The following DNAH8 variants were observed in gnomAD, a reference collection of about 807,000 sequenced individuals.
DNAH8 encodes the protein axonemal beta dynein heavy chain 8.
In DNAH8, 382 loss-of-function variants were observed where a neutral mutation model predicts 562.1. The observed-to-expected ratio is 0.68, with a 90% confidence interval of 0.63 to 0.74. The LOEUF (loss-of-function observed/expected upper bound fraction) is 0.74, where lower values mean the gene tolerates loss of function less well. Among genes scored for constraint, DNAH8 ranks in the 30% least tolerant of loss-of-function variants. The pLI is 0.00. For synonymous variants in DNAH8, 1,881 were observed against 1,919.4 expected, an observed-to-expected ratio of 0.98 and a Z score of 0.52; for missense variants, 5,203 against 5,620.4, an observed-to-expected ratio of 0.93 and a Z score of 2.37.
Position 38,923,098 on chromosome 6 carries a change from A to G in DNAH8, c.10703A>G (p.Gln3568Arg), listed in dbSNP as rs760220015. 6.2e-7 allele frequency: 1 copy of G among 1,613,666 alleles called. No homozygotes were observed. The highest frequency in any genetic ancestry group is 1.1e-5 in the South Asian group (1 of 91,044). ...GCTGATACGTGCCGGAAAAAGATGC[A>G]GGCCGCCTCCACTCTCATCGATGGG... ...NDADTCRKKM[Q>R]AASTLIDGLS... The change falls in exon 72 of 93, where the codon CAG becomes CGG. Residue 3568 changes from glutamine (Q) to arginine (R), a missense_variant. Gln to Arg is a conservative substitution (Grantham distance 43). Coordinates refer to ENST00000327475, the MANE Select transcript of DNAH8 (RefSeq NM_001206927.2).
chr6:39,028,905 C>G (rs1561992179), intron 92 of DNAH8, among the ~76,000 whole-genome samples: 1 of 151,816 alleles, frequency 6.6e-6, no homozygotes, highest in Non-Finnish European at 1.5e-5. Flanking sequence ...TGAGCCCCCA[C>G]AGGGGGATTC....
chr6:39,028,547 G>C (rs1408775135), intron 92 of DNAH8, among the ~76,000 whole-genome samples: 1 of 152,078 alleles, frequency 6.6e-6, no homozygotes, highest in Non-Finnish European at 1.5e-5. Flanking sequence ...ATTGGATTTA[G>C]GACCTACCTT....
rs774612011 is a variant in DNAH8, at chr6:38,945,497, C to T, written c.12038C>T (p.Pro4013Leu). Residue 4013 changes from proline to leucine, a missense_variant, in exon 80 of 93, where the codon CCT becomes CTT. Coordinates refer to ENST00000327475, the MANE Select transcript of DNAH8 (RefSeq NM_001206927.2). The stretch of plus-strand genomic sequence containing the variant: ...GCAGCTCTGGACCTGAAAGCCTGTC[C>T]TCCCAAACCCTATCGCTGGATCCTT... The part of the protein sequence containing the change: ...GGAALDLKAC[P>L]PKPYRWILDM... 1.2e-6 allele frequency: 2 copies of T among 1,614,170 alleles called. No individual in the cohort carries two copies. The highest frequency in any genetic ancestry group is 1.7e-5 in the Admixed American group (1 of 60,030).
At chr6:39,020,657 T>G (rs527332963) in intron 91 of DNAH8, among the ~76,000 whole-genome samples, 27 of 152,322 alleles carry the variant, frequency 1.8e-4, no homozygotes, top group African/African-American at 6.3e-4. Context: ...CTATTTGTCT[T>G]AATGCTCTCC....
At chr6:38,956,855 G>A (rs1459931810) in intron 82 of DNAH8, among the ~76,000 whole-genome samples, 1 of 152,172 alleles carries the variant, frequency 6.6e-6, no homozygotes, top group Non-Finnish European at 1.5e-5. Flanking sequence ...AAGACTGCAA[G>A]AGAGGAAGAA....
At chr6:38,849,572 CTT>C (rs10707927) in intron 37 of DNAH8, among the ~76,000 whole-genome samples, 11 of 141,632 alleles carry the variant, frequency 7.8e-5, no homozygotes, top group African/African-American at 2.1e-4. Context: ...TTTTTTTTTG[CTT>C]TTTTTTTTTT....
chr6:38,727,005 G>T (rs1018565101), intron 3 of DNAH8, among the ~76,000 whole-genome samples: 2 of 151,646 alleles, frequency 1.3e-5, no homozygotes, highest in African/African-American at 4.8e-5. Context: ...CTACGGGTGC[G>T]TGCCACCACA....
chr6:38,732,759 C>T (rs1295662347), intron 4 of DNAH8, among the ~76,000 whole-genome samples: 1 of 152,110 alleles, frequency 6.6e-6, no homozygotes, highest in Non-Finnish European at 1.5e-5. Context: ...ACATGCCCAC[C>T]TTTACAGAGC....
At chr6:39,028,179 A>G (rs938294327) in intron 92 of DNAH8, among the ~76,000 whole-genome samples, 21 of 152,206 alleles carry the variant, frequency 1.4e-4, no homozygotes, top group Admixed American at 1.2e-3. Context: ...ATGCAATTCC[A>G]GAATACCTTC....
intron 3 of DNAH8, among the ~76,000 whole-genome samples, chr6:38,728,451 G>C (rs1009375201): frequency 1.9e-5 from 2 of 106,176 alleles, no homozygotes; most frequent in East Asian, 3.9e-4. Context: ...TGAGTACAAT[G>C]TATCTAAAAT....
At chr6:38,785,083 C>T (rs1013016097) in intron 17 of DNAH8, among the ~76,000 whole-genome samples, 22 of 152,150 alleles carry the variant, frequency 1.4e-4, no homozygotes, top group African/African-American at 4.3e-4. Context: ...CACATACAAA[C>T]AATATGAAGT....
At chr6:38,825,586 A>G (rs925944841) in intron 28 of DNAH8, among the ~76,000 whole-genome samples, 1 of 151,986 alleles carries the variant, frequency 6.6e-6, no homozygotes, top group African/African-American at 2.4e-5. Context: ...TTCCCAGACT[A>G]TGTGGCTCCT....
At chr6:38,891,550 A>G (rs1779342321) in intron 58 of DNAH8, among the ~76,000 whole-genome samples, 1 of 152,114 alleles carries the variant, frequency 6.6e-6, no homozygotes, top group African/African-American at 2.4e-5. Context: ...TTGGAAGAGG[A>G]ATTTGGGGGT....
chr6:38,986,198 G>A (rs1418830579), intron 87 of DNAH8, among the ~76,000 whole-genome samples: 1 of 152,182 alleles, frequency 6.6e-6, no homozygotes, highest in African/African-American at 2.4e-5. Context: ...GGAAGTTGAA[G>A]GCAACTTAGG....
At chr6:38,844,368 T>C (rs994131363) in intron 35 of DNAH8, among the ~76,000 whole-genome samples, 1 of 152,246 alleles carries the variant, frequency 6.6e-6, no homozygotes, top group South Asian at 2.1e-4. Flanking sequence ...TTCTATGTTT[T>C]TGGAGTTGAG....
chr6:38,877,278 T>G (rs1198871705), intron 53 of DNAH8, among the ~76,000 whole-genome samples: 1 of 152,190 alleles, frequency 6.6e-6, no homozygotes, highest in Non-Finnish European at 1.5e-5. Flanking sequence ...GCCAATAAAA[T>G]AATTACCTTC....
chr6:38,889,691 G>C (rs1354587191), intron 57 of DNAH8, among the ~76,000 whole-genome samples: 3 of 152,126 alleles, frequency 2.0e-5, no homozygotes, highest in Non-Finnish European at 4.4e-5. Flanking sequence ...CTTATAACAT[G>C]GTTGTCCCAC....
chr6:38,846,443 A>G (rs760301284), intron 36 of DNAH8, among the ~76,000 whole-genome samples: 1 of 152,150 alleles, frequency 6.6e-6, no homozygotes, highest in Non-Finnish European at 1.5e-5. Context: ...GTTCTCAACT[A>G]TTCTTCACCT....
Position 38,982,393 on chromosome 6 carries a change from C to A in DNAH8, c.12882C>A (p.Phe4294Leu), listed in dbSNP as rs1009579026. The part of the protein sequence containing the change: ...GPLGWNIPYE[F>L]NSADFSASVQ... ...TAGGATGGAATATTCCCTACGAATT[C>A]AATTCTGCTGACTTTTCAGCCAGTG... The change falls in exon 86 of 93, where the codon TTC becomes TTA. Residue 4294 changes from phenylalanine to leucine, a missense_variant. By Grantham distance (22) the Phe-to-Leu change is conservative. Transcript: ENST00000327475. 1 of 1,612,086 alleles carries A rather than the reference C, an allele frequency of 6.2e-7. No individual in the cohort carries two copies. Among genetic ancestry groups the A allele is most frequent in the Non-Finnish European group, 8.5e-7 (1 of 1,178,416 alleles).
Sources: gnomAD v4.1 joint callset for allele counts (sites outside exome capture counted in the v4.1 genomes callset) on GRCh38, gnomAD v4.1.1 for gene constraint, MANE v1.5 for transcripts, NCBI Gene and HGNC (gene_info 2026-07-23, HGNC 2026-07-21) for gene names.